DENND4A: variants seen among roughly 807,000 people sequenced by gnomAD.
The protein encoded by DENND4A is C-myc promoter-binding protein.
Under a neutral mutation model 199.3 loss-of-function variants are expected in DENND4A, and 70 were observed. The observed-to-expected ratio is 0.35, with a 90% CI of 0.29 to 0.43. The LOEUF is 0.43. Ranked by LOEUF, DENND4A falls within the 20% of genes least tolerant of loss-of-function variation. DENND4A has a pLI of 1.00. For missense variants in DENND4A, 1,723 were observed against 2,255.8 expected (o/e 0.76, Z 4.78); for synonymous variants, 686 against 766.9 (o/e 0.89, Z 1.74).
intron 32 of DENND4A, among the ~76,000 whole-genome samples, chr15:65,663,733 T>G (rs1392651951): frequency 6.6e-6 from 1 of 152,030 alleles, no homozygotes; most frequent in African/African-American, 2.4e-5. Flanking sequence ...CACTGCAGCC[T>G]CGACTGCCCA....
At chr15:65,725,620 T>C (rs1166958835) in intron 11 of DENND4A, among the ~76,000 whole-genome samples, 1 of 150,876 alleles carries the variant, frequency 6.6e-6, no homozygotes, top group Non-Finnish European at 1.5e-5. Flanking sequence ...GAGCTTGCAG[T>C]GAGCTGAGAT....
intron 27 of DENND4A, among the ~76,000 whole-genome samples, chr15:65,668,413 T>C (rs1401726477): frequency 6.6e-6 from 1 of 152,124 alleles, no homozygotes; most frequent in African/African-American, 2.4e-5. Context: ...TTTGCCATGT[T>C]GTCCAGGCTG....
chr15:65,738,651 A>G lies in DENND4A; in HGVS notation c.801+55T>C, dbSNP rs1242206748. On this transcript the variant is annotated intron_variant, in intron 6 of 32. Transcript: ENST00000443035. ...TCCCCTACTATTCCTTGCATTATAG[A>G]AAACTTGAAAATGTACAAGAAATTT... 3.5e-5 allele frequency: 52 copies of G among 1,497,824 alleles called. 1 individual carries two copies. In the South Asian group the frequency reaches 5.6e-4, roughly 16 times the overall value. 92.8% of individuals were successfully genotyped at this position (1,497,824 alleles called of 1,614,324 possible). A position where few individuals can be genotyped will look rare whatever the true frequency, so the allele number is the denominator to read the frequency against.
chr15:65,772,202 T>C, intron 1 of DENND4A: 1 of 635,940 alleles, frequency 1.6e-6, no homozygotes, highest in Admixed American at 2.9e-5. Context: ...CTTCAATGTT[T>C]GGTGACTTAA....
At chr15:65,668,226 T>TTA in intron 27 of DENND4A, 103 bp from the exon 28 acceptor site, 1 of 830,254 alleles carries the variant, frequency 1.2e-6, no homozygotes, top group Non-Finnish European at 1.8e-6. Flanking sequence ...TTTTTTTTTT[T>TTA]AAGACAGAGT....
intron 4 of DENND4A, among the ~76,000 whole-genome samples, chr15:65,749,294 A>C (rs990580281): frequency 2.2e-4 from 33 of 152,164 alleles, no homozygotes; most frequent in African/African-American, 8.0e-4. Context: ...CTACTAATTG[A>C]AGGTATGATC....
chr15:65,701,719 T>C (rs768601794), intron 18 of DENND4A, 43 bp downstream of exon 18: 1 of 1,574,296 alleles, frequency 6.4e-7, no homozygotes, highest in Non-Finnish European at 8.7e-7. Flanking sequence ...TGTTGCATAA[T>C]GACAAAAGTA....
At chr15:65,684,737 TAG>T (rs1386078012) in intron 23 of DENND4A, among the ~76,000 whole-genome samples, 1 of 152,120 alleles carries the variant, frequency 6.6e-6, no homozygotes, top group Non-Finnish European at 1.5e-5. Flanking sequence ...TTTCCTTTTA[TAG>T]ACTGTTTCTG....
chr15:65,732,833 AAAGTGT>A lies in DENND4A; in HGVS notation c.1041-21_1041-16del. 6.6e-7 allele frequency: 1 copy of A among 1,514,386 alleles called. No individual in the cohort carries two copies. The highest frequency in any genetic ancestry group is 9.1e-7 in the Non-Finnish European group (1 of 1,093,542). The allele number at this position is 1,514,386 out of a possible 1,614,324, so 93.8% of individuals were successfully genotyped here. On this transcript the variant is annotated splice_polypyrimidine_tract_variant and intron_variant, in intron 7 of 32. Coordinates refer to ENST00000443035, the MANE Select transcript of DENND4A (RefSeq NM_001320835.1). ...GAGAAATATGCCTTGAAAACAAACA[AAAGTGT>A]AAGTGATTCCAAAGTGAACGTCATA...
At chr15:65,786,083 T>G (rs1394680025) in intron 1 of DENND4A, among the ~76,000 whole-genome samples, 13 of 152,186 alleles carry the variant, frequency 8.5e-5, no homozygotes, top group African/African-American at 3.1e-4. Flanking sequence ...AATTTGACAG[T>G]CAGGTATATG....
intron 23 of DENND4A, among the ~76,000 whole-genome samples, chr15:65,685,839 A>C (rs2076758277): frequency 6.6e-6 from 1 of 152,222 alleles, no homozygotes; most frequent in African/African-American, 2.4e-5. Context: ...AAATAACCAT[A>C]AACATAAGAG....
chr15:65,687,910 G>C (rs1357932309), intron 23 of DENND4A, among the ~76,000 whole-genome samples: 1 of 152,074 alleles, frequency 6.6e-6, no homozygotes, highest in Admixed American at 6.5e-5. Context: ...TGAGTCTCTT[G>C]TATCTATAAA....
rs534394175 is a variant in DENND4A, at chr15:65,679,430, A to G, written c.4180-2796T>C. ...CCTCACTTTAAAAGAAATAATTATA[A>G]TATTTCAGTTAGGAATGGTGTTTGC... On this transcript the variant is annotated intron_variant, in intron 23 of 32. Transcript: ENST00000443035. Among the ~76,000 whole-genome samples the G allele has an allele frequency of 5.9e-5, 9 of 152,194 alleles. No homozygotes were observed. In the East Asian group the frequency reaches 7.7e-4, roughly 13 times the overall value.
intron 11 of DENND4A, among the ~76,000 whole-genome samples, chr15:65,724,376 G>T (rs80099314): frequency 2.5e-5 from 3 of 119,768 alleles, no homozygotes; most frequent in African/African-American, 4.1e-5. Context: ...ACTTTTTTTT[G>T]AATCGTTTTT....
At chr15:65,758,686 G>T (rs1003020322) in intron 2 of DENND4A, among the ~76,000 whole-genome samples, 1 of 152,108 alleles carries the variant, frequency 6.6e-6, no homozygotes, top group African/African-American at 2.4e-5. Flanking sequence ...TAGGAAAAAA[G>T]TTTAATCTAA....
chr15:65,664,809 T>C, intron 30 of DENND4A, 87 bp from the exon 31 acceptor site: 1 of 1,151,392 alleles, frequency 8.7e-7, no homozygotes, highest in Non-Finnish European at 1.2e-6. Flanking sequence ...GATATTAAGT[T>C]ACAAAGCACT....
chr15:65,697,427 T>C, intron 20 of DENND4A, 44 bp from the exon 21 acceptor site: 1 of 1,222,992 alleles, frequency 8.2e-7, no homozygotes, highest in Non-Finnish European at 1.2e-6. Flanking sequence ...GAAACTTCTT[T>C]AGTGAGTGCA....
Position 65,660,232 on chromosome 15 carries a change from A to G in DENND4A, c.*1619T>C. ...TTTCAAGTAAGCAAGTTCAGCCCCA[A>G]ACTAACTGAAGTTTTACATTTTTAA... is the stretch of plus-strand genomic sequence containing the variant. On this transcript the variant is annotated 3_prime_UTR_variant, in exon 33 of 33. Transcript: ENST00000443035. The G allele has an allele frequency of 6.8e-7, 1 of 1,472,162 alleles. No individual in the cohort carries two copies. The highest frequency in any genetic ancestry group is 9.2e-7 in the Non-Finnish European group (1 of 1,089,282). The allele number at this position is 1,472,162 out of a possible 1,614,324, so 91.2% of individuals were successfully genotyped here. A position where few individuals can be genotyped will look rare whatever the true frequency, so the allele number is the denominator to read the frequency against.
chr15:65,776,891 G>A (rs2140932493), intron 1 of DENND4A, among the ~76,000 whole-genome samples: 1 of 152,316 alleles, frequency 6.6e-6, no homozygotes, highest in South Asian at 2.1e-4. Flanking sequence ...TAGCTGCATG[G>A]GGCTGGGCAC....
Sources: allele counts gnomAD v4.1 joint callset (sites outside exome capture counted in the v4.1 genomes callset), GRCh38; gene constraint gnomAD v4.1.1; transcripts MANE v1.5; gene names NCBI Gene and HGNC (gene_info 2026-07-23, HGNC 2026-07-21).